Variants in HMBOX1 observed in about 807,000 individuals in gnomAD.
The protein encoded by HMBOX1 is homeobox-containing protein 1.
A neutral mutation model predicts 54.5 loss-of-function variants in HMBOX1; 14 were observed. The ratio of observed to expected loss-of-function variants is 0.26; its 90% CI spans 0.17 to 0.40. The LOEUF is 0.40. Among genes scored for constraint, HMBOX1 ranks in the 10% least tolerant of loss-of-function variants. The probability of loss-of-function intolerance (pLI) is 1.00; values close to 1 mark genes in which losing one functional copy is unlikely to be tolerated. For missense variants in HMBOX1, 332 were observed against 514.4 expected (o/e 0.65, Z 3.43); for synonymous variants, 160 against 181.0 (o/e 0.88, Z 0.93).
At chr8:28,963,503 TATA>T (rs1825947954) in intron 1 of HMBOX1, among the ~76,000 whole-genome samples, 1 of 152,232 alleles carries the variant, frequency 6.6e-6, no homozygotes, top group African/African-American at 2.4e-5. Context: ...TTGTCTAATT[TATA>T]ATCTTAGAGT....
chr8:28,974,700 A>AT (rs1298001893), intron 3 of HMBOX1, among the ~76,000 whole-genome samples: 2 of 152,130 alleles, frequency 1.3e-5, no homozygotes, highest in East Asian at 1.9e-4. Flanking sequence ...TTTTTGAGTG[A>AT]TTTTTTAAAA....
chr8:28,919,335 A>T (rs1817140278), intron 1 of HMBOX1, among the ~76,000 whole-genome samples: 1 of 152,232 alleles, frequency 6.6e-6, no homozygotes, highest in African/African-American at 2.4e-5. Context: ...TAGCCAACAC[A>T]ATACTGTATT....
chr8:29,043,992 T>C (rs1805218324), intron 6 of HMBOX1, among the ~76,000 whole-genome samples: 1 of 152,082 alleles, frequency 6.6e-6, no homozygotes, highest in Non-Finnish European at 1.5e-5. Context: ...GCTCTATGAC[T>C]TAAGTTTTAC....
intron 1 of HMBOX1, among the ~76,000 whole-genome samples, chr8:28,933,984 A>G (rs1819949343): frequency 6.6e-6 from 1 of 152,216 alleles, no homozygotes; most frequent in Non-Finnish European, 1.5e-5. Flanking sequence ...GGCCAGCATT[A>G]CTAGAATGCT....
intron 1 of HMBOX1, among the ~76,000 whole-genome samples, chr8:28,935,395 G>A (rs1269685220): frequency 6.6e-6 from 1 of 152,174 alleles, no homozygotes; most frequent in Non-Finnish European, 1.5e-5. Context: ...AATAGAGACT[G>A]GAAAGACTTT....
intron 6 of HMBOX1, among the ~76,000 whole-genome samples, chr8:29,033,426 T>C (rs1803333992): frequency 6.6e-6 from 1 of 152,198 alleles, no homozygotes; most frequent in Non-Finnish European, 1.5e-5. Context: ...CTCATTTCAA[T>C]CCATTAGACT....
At chr8:28,919,239 C>T (rs1817124833) in intron 1 of HMBOX1, among the ~76,000 whole-genome samples, 1 of 152,134 alleles carries the variant, frequency 6.6e-6, no homozygotes, top group African/African-American at 2.4e-5. Flanking sequence ...CTTAGATGGC[C>T]CTTCTGTATC....
intron 1 of HMBOX1, among the ~76,000 whole-genome samples, chr8:28,927,720 C>T (rs1448390170): frequency 6.7e-6 from 1 of 150,252 alleles, no homozygotes; most frequent in Non-Finnish European, 1.5e-5. Context: ...CATATGTACC[C>T]ACTGGAACAA....
intron 4 of HMBOX1, among the ~76,000 whole-genome samples, chr8:28,995,545 T>G (rs28694558): frequency 0.025 from 3,853 of 152,278 alleles, 157 homozygotes; most frequent in African/African-American, 0.089. Context: ...ACATGGTAAT[T>G]CTATGTTTAA....
At chr8:29,008,149 G>T (rs961926968) in intron 4 of HMBOX1, among the ~76,000 whole-genome samples, 3 of 152,084 alleles carry the variant, frequency 2.0e-5, no homozygotes, top group African/African-American at 4.8e-5. Flanking sequence ...GTAGCTGAAT[G>T]GTCTTTTGGA....
intron 7 of HMBOX1, among the ~76,000 whole-genome samples, chr8:29,046,055 G>GT (rs1208964836): frequency 1.3e-5 from 2 of 152,176 alleles, no homozygotes; most frequent in Non-Finnish European, 2.9e-5. Context: ...TACAGATTTT[G>GT]TTAAACATAA....
chr8:28,900,271 AAT>A (rs1554519263), intron 1 of HMBOX1, among the ~76,000 whole-genome samples: 22 of 70,348 alleles, frequency 3.1e-4, no homozygotes, highest in African/African-American at 9.7e-4. Context: ...AAAAAAAAAA[AAT>A]ATATATATAT....
At chr8:28,981,586 A>C (rs1053241564) in intron 4 of HMBOX1, among the ~76,000 whole-genome samples, 2 of 152,190 alleles carry the variant, frequency 1.3e-5, no homozygotes, top group African/African-American at 4.8e-5. Flanking sequence ...TAAAAAGACA[A>C]AATTTTAGTG....
chr8:29,044,948 A>G (rs1469553863), intron 6 of HMBOX1, among the ~76,000 whole-genome samples: 1 of 152,214 alleles, frequency 6.6e-6, no homozygotes, highest in East Asian at 1.9e-4. Flanking sequence ...TATTGTTACC[A>G]GTGCCTAAAT....
intron 1 of HMBOX1, among the ~76,000 whole-genome samples, chr8:28,897,727 T>A (rs147732150): frequency 1.3e-5 from 2 of 152,272 alleles, no homozygotes; most frequent in African/African-American, 4.8e-5. Context: ...AAGGCTTACA[T>A]GGTATGTTTG....
intron 1 of HMBOX1, among the ~76,000 whole-genome samples, chr8:28,902,192 TTTA>T (rs1228419747): frequency 6.6e-6 from 1 of 152,158 alleles, no homozygotes; most frequent in African/African-American, 2.4e-5. Flanking sequence ...GGGGACTGAA[TTTA>T]TCCTCAGAAG....
At chr8:29,034,602 A>G (rs1803546885) in intron 6 of HMBOX1, among the ~76,000 whole-genome samples, 2 of 152,328 alleles carry the variant, frequency 1.3e-5, no homozygotes, top group South Asian at 4.1e-4. Flanking sequence ...TCACACCTGT[A>G]TCCAGCACTT....
intron 6 of HMBOX1, among the ~76,000 whole-genome samples, chr8:29,033,628 T>C (rs1803375402): frequency 6.6e-6 from 1 of 152,220 alleles, no homozygotes; most frequent in Non-Finnish European, 1.5e-5. Context: ...TTGAGGCAGA[T>C]TAAAATTTTT....
At chr8:28,946,645 A>G (rs1822527175) in intron 1 of HMBOX1, among the ~76,000 whole-genome samples, 1 of 152,204 alleles carries the variant, frequency 6.6e-6, no homozygotes, top group Non-Finnish European at 1.5e-5. Context: ...TAGCTCAGAT[A>G]AAAAGAGCAT....
Sources: gnomAD v4.1 joint callset for allele counts (sites outside exome capture counted in the v4.1 genomes callset) on GRCh38, gnomAD v4.1.1 for gene constraint, MANE v1.5 for transcripts, NCBI Gene and HGNC (gene_info 2026-07-23, HGNC 2026-07-21) for gene names.